TNPO1: variants seen among roughly 807,000 people sequenced by gnomAD.
TNPO1 encodes transportin 1.
TNPO1 carries 8 observed loss-of-function variants against 119.5 expected under a neutral mutation model. The observed-to-expected ratio is 0.07, with a 90% CI of 0.04 to 0.12. The LOEUF is 0.12. TNPO1 is among the 10% of genes least tolerant of loss of function. The probability of loss-of-function intolerance (pLI) is 1.00; values close to 1 mark genes in which losing one functional copy is unlikely to be tolerated. For missense variants in TNPO1, 576 were observed against 1,089.8 expected (o/e 0.53, Z 6.64); for synonymous variants, 362 against 363.0 (o/e 1.00, Z 0.03).
rs762330912 is a variant in TNPO1, at chr5:72,888,321, C to T, written c.1529+18C>T. ...GCCTGCAGGTGGGACAGATTCATAA[C>T]ACAGTGTTCTTTGTGGCAGTGAAAA... is the stretch of plus-strand genomic sequence containing the variant. On this transcript the variant is annotated intron_variant, in intron 13 of 24. Coordinates refer to ENST00000337273, the MANE Select transcript of TNPO1 (RefSeq NM_002270.4). 2 of 1,601,512 alleles carry T rather than the reference C, an allele frequency of 1.2e-6. No individual in the cohort carries two copies. The highest frequency in any genetic ancestry group is 1.7e-6 in the Non-Finnish European group (2 of 1,169,154).
intron 1 of TNPO1, among the ~76,000 whole-genome samples, chr5:72,817,563 A>G (rs1305901667): frequency 3.9e-5 from 6 of 152,170 alleles, no homozygotes; most frequent in African/African-American, 1.2e-4. Context: ...GCTAATCAGG[A>G]TGGTCTATCA....
chr5:72,848,245 C>T, intron 1 of TNPO1, 140 bp from the exon 2 acceptor site: 1 of 1,288,852 alleles, frequency 7.8e-7, no homozygotes, highest in Non-Finnish European at 9.9e-7. Flanking sequence ...CGGGGCACCT[C>T]AGGCAGGTCC....
chr5:72,850,310 C>G (rs2112253426), intron 2 of TNPO1, among the ~76,000 whole-genome samples: 1 of 152,262 alleles, frequency 6.6e-6, no homozygotes, highest in African/African-American at 2.4e-5. Flanking sequence ...GGGCCATTCA[C>G]TAAAACAAGA....
chr5:72,823,461 C>T (rs1414706655), intron 1 of TNPO1, among the ~76,000 whole-genome samples: 2 of 152,148 alleles, frequency 1.3e-5, no homozygotes, highest in Non-Finnish European at 2.9e-5. Context: ...TGCAGTCCCT[C>T]CATAGTTGCC....
chr5:72,818,127 AAT>A (rs1743784145), intron 1 of TNPO1, among the ~76,000 whole-genome samples: 1 of 152,346 alleles, frequency 6.6e-6, no homozygotes, highest in East Asian at 1.9e-4. Flanking sequence ...ACGTGAGCCT[AAT>A]GAAGTACTAG....
At chr5:72,826,373 A>G (rs1744206096) in intron 1 of TNPO1, among the ~76,000 whole-genome samples, 1 of 152,210 alleles carries the variant, frequency 6.6e-6, no homozygotes, top group African/African-American at 2.4e-5. Context: ...AAACAAAGCA[A>G]AAAATACGTG....
chr5:72,860,089 T>G (rs562671075), intron 4 of TNPO1, among the ~76,000 whole-genome samples: 1 of 152,302 alleles, frequency 6.6e-6, no homozygotes, highest in South Asian at 2.1e-4. Context: ...AGAATAAATT[T>G]GCCGGGAGCT....
At chr5:72,831,883 C>T (rs1744489419) in intron 1 of TNPO1, among the ~76,000 whole-genome samples, 1 of 151,996 alleles carries the variant, frequency 6.6e-6, no homozygotes. Context: ...AGTACCGTAA[C>T]TTAAGTATTT....
At chr5:72,882,989 C>A in intron 10 of TNPO1, 75 bp from the exon 11 acceptor site, 2 of 1,042,696 alleles carry the variant, frequency 1.9e-6, no homozygotes, top group Non-Finnish European at 2.9e-6. Context: ...TCTGGATATT[C>A]TGTTTCTCTT....
At chr5:72,894,615 G>A (rs1016060471) in intron 18 of TNPO1, among the ~76,000 whole-genome samples, 6 of 152,168 alleles carry the variant, frequency 3.9e-5, no homozygotes, top group Non-Finnish European at 7.3e-5. Context: ...AGTCTGCAGT[G>A]AGCTGATACT....
intron 4 of TNPO1, among the ~76,000 whole-genome samples, chr5:72,861,418 T>A (rs1746438625): frequency 6.6e-6 from 1 of 152,150 alleles, no homozygotes; most frequent in Non-Finnish European, 1.5e-5. Flanking sequence ...TGTTACTAAT[T>A]TTTTGAGACA....
chr5:72,882,603 A>C, intron 10 of TNPO1, 76 bp downstream of exon 10: 1 of 1,041,548 alleles, frequency 9.6e-7, no homozygotes, highest in Non-Finnish European at 1.5e-6. Context: ...TGGCCAATAA[A>C]ACATTCATTG....
intron 1 of TNPO1, among the ~76,000 whole-genome samples, chr5:72,828,049 G>C (rs1744284316): frequency 6.6e-6 from 1 of 152,152 alleles, no homozygotes; most frequent in Admixed American, 6.5e-5. Flanking sequence ...GTTGCAGACT[G>C]ATGAGATTAT....
At position 72,910,248 on chromosome 5, in the gene TNPO1, C is replaced by T. The variant is rs1175970774; in HGVS notation, c.*1575C>T. The T allele has an allele frequency of 6.6e-6, 1 of 152,572 alleles. No individual in the cohort carries two copies. Among genetic ancestry groups the T allele is most frequent in the East Asian group, 1.9e-4 (1 of 5,198 alleles). The allele number at this position is 152,572 out of a possible 1,614,324, so 9.5% of individuals were successfully genotyped here. A position where few individuals can be genotyped will look rare whatever the true frequency, so the allele number is the denominator to read the frequency against. On this transcript the variant is annotated 3_prime_UTR_variant, in exon 25 of 25. Coordinates refer to ENST00000337273, the MANE Select transcript of TNPO1 (RefSeq NM_002270.4). ...AGTGAAAGTTGGTTTGGATCCTCTT[C>T]ATTTCATTTGTTTAGCTTTTCTGTT...
intron 2 of TNPO1, among the ~76,000 whole-genome samples, chr5:72,848,851 G>A (rs1745317518): frequency 6.6e-6 from 1 of 150,934 alleles, no homozygotes; most frequent in African/African-American, 2.4e-5. Flanking sequence ...GCGGGGGTAG[G>A]GAGCGGGCGG....
At position 72,881,516 on chromosome 5, in the gene TNPO1, T is replaced by G. The variant is rs1748246168; in HGVS notation, c.921-951T>G. ...GGTTGTTGAATGCCTTTGGGGAAAT[T>G]TACACTCCCCTAGGGGGATTGTTGG... On this transcript the variant is annotated intron_variant, in intron 9 of 24. Coordinates refer to ENST00000337273, the MANE Select transcript of TNPO1 (RefSeq NM_002270.4). Among the ~76,000 whole-genome samples, 4 of 152,194 alleles carry G rather than the reference T, an allele frequency of 2.6e-5. No individual in the cohort carries two copies. In the South Asian group the frequency reaches 8.3e-4, roughly 32 times the overall value.
chr5:72,907,980 G>A (rs1011021093), intron 24 of TNPO1, among the ~76,000 whole-genome samples: 1 of 152,210 alleles, frequency 6.6e-6, no homozygotes, highest in African/African-American at 2.4e-5. Context: ...TTGAGCCCAG[G>A]AGGTTGGGGC....
In TNPO1 at chr5:72,909,030, A is replaced by C. The variant is rs568705081; in HGVS notation, c.*357A>C. 1.9e-5 allele frequency: 6 copies of C among 308,676 alleles called. No individual in the cohort carries two copies. Among genetic ancestry groups the C allele is most frequent in the Non-Finnish European group, 3.3e-5 (5 of 151,510 alleles). The allele number at this position is 308,676 out of a possible 1,614,324, so 19.1% of individuals were successfully genotyped here. On this transcript the variant is annotated 3_prime_UTR_variant, in exon 25 of 25. Transcript: ENST00000337273. ...GGAATTGTACCAAAACAAGAACCAT[A>C]TAAATGATGCCTAGGGACAAGAAAG...
At chr5:72,904,938 C>T (rs1385479675) in intron 23 of TNPO1, among the ~76,000 whole-genome samples, 1 of 152,138 alleles carries the variant, frequency 6.6e-6, no homozygotes, top group Non-Finnish European at 1.5e-5. Context: ...TCGCAGCAGG[C>T]AAGAAAGAGA....
Sources: allele counts gnomAD v4.1 joint callset (sites outside exome capture counted in the v4.1 genomes callset), GRCh38; gene constraint gnomAD v4.1.1; transcripts MANE v1.5; gene names NCBI Gene and HGNC (gene_info 2026-07-23, HGNC 2026-07-21).